The following CIT variants were observed in gnomAD, a reference collection of about 807,000 sequenced individuals.
CIT encodes the protein citron rho-interacting serine/threonine kinase, also known as citron Rho-interacting kinase.
In CIT, 79 loss-of-function variants were observed where a neutral mutation model predicts 272.7. The ratio of observed to expected loss-of-function variants is 0.29; its 90% CI spans 0.24 to 0.35. The LOEUF is 0.35. CIT is among the 10% of genes least tolerant of loss of function. The pLI, the probability that CIT is intolerant of heterozygous loss-of-function variation, is 1.00. For synonymous variants in CIT, 948 were observed against 995.6 expected (o/e 0.95, Z 0.90); for missense variants, 1,909 against 2,618.3 (o/e 0.73, Z 5.91).
intron 24 of CIT, among the ~76,000 whole-genome samples, chr12:119,735,688 A>G (rs534748088): frequency 9.2e-5 from 14 of 152,348 alleles, no homozygotes; most frequent in African/African-American, 3.1e-4. Flanking sequence ...TGGAAAGAAA[A>G]TGCAAATTAA....
intron 22 of CIT, among the ~76,000 whole-genome samples, chr12:119,755,234 A>T (rs1960786717): frequency 6.6e-6 from 1 of 152,180 alleles, no homozygotes; most frequent in African/African-American, 2.4e-5. Flanking sequence ...TGGGCAACAT[A>T]GCAAGACCCC....
chr12:119,704,210 G>T (rs141044670), intron 41 of CIT, among the ~76,000 whole-genome samples, 153 bp downstream of exon 41: 1 of 152,174 alleles, frequency 6.6e-6, no homozygotes, highest in South Asian at 2.1e-4. Flanking sequence ...GAAGGATCTC[G>T]CTGACGACAG....
rs555848002 is a variant in CIT at position 119,784,210 on chromosome 12, C to T, written c.1402-159G>A. Reference sequence around the variant, plus strand: ...ATACCATTGTTTCTTCGCCCAGGAGCGCACAGTTCTTCGTTAAGGACAGTC... The same window carrying T: ...ATACCATTGTTTCTTCGCCCAGGAGTGCACAGTTCTTCGTTAAGGACAGTC... On this transcript the variant is annotated intron_variant, in intron 11 of 47. Coordinates refer to ENST00000392521, the MANE Select transcript of CIT (RefSeq NM_001206999.2). The surrounding 1 kb of genome is among the most constrained non-coding windows in gnomAD (Gnocchi z 4.7). The T allele has an allele frequency of 5.0e-6, 8 of 1,603,056 alleles. No individual in the cohort carries two copies. The highest frequency in any genetic ancestry group is 1.3e-5 in the African/African-American group (1 of 74,842).
intron 17 of CIT, among the ~76,000 whole-genome samples, chr12:119,772,438 G>GA (rs1484379952): frequency 9.2e-5 from 14 of 152,028 alleles, no homozygotes; most frequent in African/African-American, 3.1e-4. Flanking sequence ...GAAAGGCAAG[G>GA]AAAAAACAGA....
rs1565909004 is a variant in CIT, at chr12:119,703,552, CGT to C, written c.5304+809_5304+810del. The stretch of plus-strand genomic sequence containing the variant: ...GCAATTCTCCTGCCTCTGCCTCCCA[CGT>C]AGCTGAGATAACAAGCACCCGCCAC... On this transcript the variant is annotated intron_variant, in intron 41 of 47. Transcript: ENST00000392521. Among the ~76,000 whole-genome samples, 16 of 151,704 alleles carry C rather than the reference CGT, an allele frequency of 1.1e-4. 1 individual carries two copies. In the South Asian group the frequency reaches 2.9e-3, roughly 28 times the overall value.
At chr12:119,838,814 A>G (rs913356800) in intron 5 of CIT, among the ~76,000 whole-genome samples, 16 of 152,138 alleles carry the variant, frequency 1.1e-4, no homozygotes, top group African/African-American at 3.9e-4. Flanking sequence ...CCCTCCTTAC[A>G]AGGACTGGAG....
chr12:119,825,053 G>T, intron 8 of CIT, 112 bp downstream of exon 8: 1 of 830,952 alleles, frequency 1.2e-6, no homozygotes. Context: ...ACCCACCTCG[G>T]CCTCCCAAAG....
chr12:119,715,293 A>G (rs1294503973), intron 32 of CIT, among the ~76,000 whole-genome samples: 1 of 152,176 alleles, frequency 6.6e-6, no homozygotes, highest in Non-Finnish European at 1.5e-5. Flanking sequence ...TGGACTAATG[A>G]AAATGGATTA....
intron 4 of CIT, among the ~76,000 whole-genome samples, chr12:119,854,734 A>T (rs1482492801): frequency 6.6e-6 from 1 of 151,706 alleles, no homozygotes; most frequent in East Asian, 2.0e-4. Context: ...GCAGATCACA[A>T]GGTCAGGAGT....
chr12:119,800,398 C>T (rs938631297), intron 10 of CIT, among the ~76,000 whole-genome samples: 2 of 152,174 alleles, frequency 1.3e-5, no homozygotes, highest in Non-Finnish European at 2.9e-5. Flanking sequence ...TCTTGCTCAG[C>T]CTAAAATAAT....
intron 41 of CIT, among the ~76,000 whole-genome samples, chr12:119,702,899 GATC>G (rs1263177401): frequency 2.3e-4 from 35 of 150,206 alleles, no homozygotes; most frequent in African/African-American, 8.3e-4. Flanking sequence ...TCATCATCAT[GATC>G]ATCATTATTG....
At position 119,697,687 on chromosome 12, in the gene CIT, G is replaced by A. The variant is rs1385106408; in HGVS notation, c.5854C>T (p.His1952Tyr). The change falls in exon 46 of 48, where the codon CAC becomes TAC. Residue 1952 changes from histidine to tyrosine, a missense_variant. Around this residue, in one of 8 missense-constraint regions of CIT, gnomAD observed 780 missense variants for 1,067.2 expected, o/e 0.73. Coordinates refer to ENST00000392521, the MANE Select transcript of CIT (RefSeq NM_001206999.2). This position sits in a 1 kb window ranked among gnomAD's most constrained non-coding sequence, Gnocchi z 4.9. ...CGGGAGGTGGACGGGCCCCGGTGGT[G>A]TTCAGTGCCGGACTCCTTCACGAGG... is the stretch of plus-strand genomic sequence containing the variant. The part of the protein sequence containing the change: ...GNLVKESGTE[H>Y]HRGPSTSRSS... 7 of 1,614,142 alleles carry A rather than the reference G, an allele frequency of 4.3e-6. No individual in the cohort carries two copies. The highest frequency in any genetic ancestry group is 4.2e-6 in the Non-Finnish European group (5 of 1,180,024).
chr12:119,716,090 C>T (rs1957452079), intron 32 of CIT, among the ~76,000 whole-genome samples: 1 of 152,028 alleles, frequency 6.6e-6, no homozygotes, highest in South Asian at 2.1e-4. Context: ...AAAAGTAAAG[C>T]TCTTGGGCTG....
rs868014576 is a variant in CIT, at chr12:119,728,670, T to G, written c.3487-64A>C. 6 of 1,126,420 alleles carry G rather than the reference T, an allele frequency of 5.3e-6. No individual in the cohort carries two copies. The highest frequency in any genetic ancestry group is 1.6e-5 in the African/African-American group (1 of 64,358). 69.8% of individuals were successfully genotyped at this position (1,126,420 alleles called of 1,614,324 possible). A position where few individuals can be genotyped will look rare whatever the true frequency, so the allele number is the denominator to read the frequency against. On this transcript the variant is annotated intron_variant, in intron 27 of 47. Coordinates refer to ENST00000392521, the MANE Select transcript of CIT (RefSeq NM_001206999.2). The surrounding 1 kb of genome is among the most constrained non-coding windows in gnomAD (Gnocchi z 4.3). ...GAATGTTAGATGCTGACAACGTTTA[T>G]GAATGTCCACGAACCTTCACGGAGA... is the stretch of plus-strand genomic sequence containing the variant.
intron 23 of CIT, among the ~76,000 whole-genome samples, chr12:119,745,800 T>A (rs766703332): frequency 4.9e-5 from 6 of 122,554 alleles, no homozygotes; most frequent in Non-Finnish European, 8.5e-5. Context: ...GACTGTGATA[T>A]ACCAATAAAA....
intron 30 of CIT, 50 bp downstream of exon 30, chr12:119,720,428 G>A (rs760067442): frequency 1.6e-6 from 2 of 1,277,004 alleles, no homozygotes; most frequent in South Asian, 1.2e-5. Flanking sequence ...ACTGAGCCAT[G>A]AATGATGAGT....
intron 26 of CIT, among the ~76,000 whole-genome samples, chr12:119,731,868 C>T (rs1352256517): frequency 2.0e-5 from 3 of 147,658 alleles, no homozygotes; most frequent in Non-Finnish European, 3.0e-5. Context: ...TGGAGTCCCA[C>T]TCTGTCGCCC....
intron 5 of CIT, among the ~76,000 whole-genome samples, chr12:119,843,682 T>C (rs1332793299): frequency 2.0e-5 from 3 of 152,074 alleles, no homozygotes; most frequent in African/African-American, 7.2e-5. Flanking sequence ...TGGTGTTGCA[T>C]GCCTATAATC....
chr12:119,741,491 A>C (rs1232458383), intron 24 of CIT, among the ~76,000 whole-genome samples: 1 of 152,264 alleles, frequency 6.6e-6, no homozygotes, highest in Non-Finnish European at 1.5e-5. Context: ...TATGTGCTTT[A>C]CTAGATACAT....
Sources: allele counts gnomAD v4.1 joint callset (sites outside exome capture counted in the v4.1 genomes callset), GRCh38; gene constraint gnomAD v4.1.1; regional missense constraint gnomAD v4.1.1; non-coding constraint Gnocchi (gnomAD v3.1); transcripts MANE v1.5; gene names NCBI Gene and HGNC (gene_info 2026-07-23, HGNC 2026-07-21).